Variants in DAB1 observed in about 807,000 individuals in gnomAD.
The protein encoded by DAB1 is DAB adaptor protein 1.
DAB1 carries 15 observed loss-of-function variants against 64.6 expected under a neutral mutation model. The ratio of observed to expected loss-of-function variants is 0.23; its 90% confidence interval spans 0.16 to 0.36. The LOEUF is 0.36. DAB1 is among the 10% of genes least tolerant of loss of function. DAB1 has a pLI of 1.00. For missense variants in DAB1, 596 were observed against 706.7 expected (o/e 0.84, Z 1.78); for synonymous variants, 235 against 251.9 (o/e 0.93, Z 0.64).
chr1:58,204,096 T>C (rs980428191), intron 4 of DAB1, among the ~76,000 whole-genome samples: 4 of 152,218 alleles, frequency 2.6e-5, no homozygotes, highest in Admixed American at 2.6e-4. Flanking sequence ...AAGTTCATTA[T>C]GTGGCTCAGT....
At chr1:57,065,274 G>T (rs1017664452) in intron 8 of DAB1, among the ~76,000 whole-genome samples, 1 of 152,020 alleles carries the variant, frequency 6.6e-6, no homozygotes, top group Non-Finnish European at 1.5e-5. Context: ...GTAACCTCTG[G>T]TGCATTCTTT....
At chr1:57,357,089 CAT>C (rs1378255883) in intron 1 of DAB1, among the ~76,000 whole-genome samples, 1 of 152,062 alleles carries the variant, frequency 6.6e-6, no homozygotes, top group African/African-American at 2.4e-5. Context: ...ATGTTCAACA[CAT>C]GTTATATTTT....
intron 5 of DAB1, among the ~76,000 whole-genome samples, chr1:58,120,433 G>C (rs1652668368): frequency 6.6e-6 from 1 of 152,102 alleles, no homozygotes; most frequent in Non-Finnish European, 1.5e-5. Flanking sequence ...TCTATTCTCA[G>C]TTAGGGGACC....
At chr1:57,683,347 C>A (rs118091480) in intron 6 of DAB1, among the ~76,000 whole-genome samples, 1 of 152,218 alleles carries the variant, frequency 6.6e-6, no homozygotes, top group African/African-American at 2.4e-5. Flanking sequence ...TGGGAGGGGG[C>A]TCCCTGAAAG....
intron 4 of DAB1, among the ~76,000 whole-genome samples, chr1:57,089,858 G>A (rs1653479670): frequency 6.6e-6 from 1 of 152,288 alleles, no homozygotes; most frequent in South Asian, 2.1e-4. Context: ...TGTGACTGCT[G>A]GTTTGTGAAC....
chr1:57,981,886 C>A (rs1338102841), intron 5 of DAB1, among the ~76,000 whole-genome samples: 1 of 152,126 alleles, frequency 6.6e-6, no homozygotes, highest in Non-Finnish European at 1.5e-5. Context: ...TTCTCTTAAC[C>A]CACTTGCTTT....
At chr1:57,455,501 C>A (rs190006122) in intron 7 of DAB1, among the ~76,000 whole-genome samples, 2 of 151,964 alleles carry the variant, frequency 1.3e-5, no homozygotes, top group Non-Finnish European at 2.9e-5. Context: ...AGGAATGTTA[C>A]GATTAGGGTA....
chr1:58,274,723 A>G (rs1285967986), intron 4 of DAB1, among the ~76,000 whole-genome samples: 1 of 152,148 alleles, frequency 6.6e-6, no homozygotes, highest in Admixed American at 6.5e-5. Context: ...CCGCTTTTTA[A>G]GCCGGTCTGA....
chr1:57,066,429 C>T (rs1448019321), intron 8 of DAB1, among the ~76,000 whole-genome samples: 5 of 152,112 alleles, frequency 3.3e-5, no homozygotes, highest in South Asian at 2.1e-4. Flanking sequence ...TCAACACAGC[C>T]GATAACTTTT....
chr1:57,880,389 C>A (rs1644126195), intron 1 of DAB1: 1 of 152,138 alleles, frequency 6.6e-6, no homozygotes, highest in Non-Finnish European at 1.5e-5. Flanking sequence ...GCCCATAGAA[C>A]CATCATGTTG....
chr1:57,487,668 G>C (rs1426149244), intron 7 of DAB1, among the ~76,000 whole-genome samples: 1 of 152,130 alleles, frequency 6.6e-6, no homozygotes, highest in African/African-American at 2.4e-5. Flanking sequence ...CAGATTTGTA[G>C]CCTAGAAGCA....
At chr1:58,143,253 A>T (rs920790239) in intron 5 of DAB1, among the ~76,000 whole-genome samples, 2 of 152,166 alleles carry the variant, frequency 1.3e-5, no homozygotes, top group African/African-American at 4.8e-5. Flanking sequence ...ACAGCCCCTA[A>T]CATGCTGGTA....
rs76901823 is a variant in DAB1 at position 58,404,249 on chromosome 1, C to T, written n.258-60846G>A. Among the ~76,000 whole-genome samples, 130 of 152,294 alleles carry T rather than the reference C, an allele frequency of 8.5e-4. 2 individuals are homozygous for T. The East Asian group carries it at 0.023, about 27-fold the overall frequency. Reference sequence around the variant, plus strand: ...CCCTGTGAGTCTAAGAGTCTAAGAGCCTCTTAGGTACACTCTTAGATGTAC... The same window carrying T: ...CCCTGTGAGTCTAAGAGTCTAAGAGTCTCTTAGGTACACTCTTAGATGTAC... On this transcript the variant is annotated intron_variant and non_coding_transcript_variant, in intron 3 of 20. Transcript: ENST00000485760.
chr1:58,176,119 C>T (rs1273106122), intron 4 of DAB1, among the ~76,000 whole-genome samples: 3 of 152,146 alleles, frequency 2.0e-5, no homozygotes, highest in African/African-American at 7.2e-5. Context: ...CCATGTCATT[C>T]ACTGATGTTC....
chr1:57,926,300 A>T (rs567618797), intron 5 of DAB1, among the ~76,000 whole-genome samples: 28 of 150,890 alleles, frequency 1.9e-4, no homozygotes, highest in African/African-American at 6.8e-4. Context: ...ATTTTATGAT[A>T]CCCTTGAGAG....
At chr1:57,302,655 G>T (rs903032227) in intron 1 of DAB1, among the ~76,000 whole-genome samples, 3 of 152,006 alleles carry the variant, frequency 2.0e-5, no homozygotes, top group Non-Finnish European at 4.4e-5. Flanking sequence ...CCAGGATACA[G>T]TGCAGTGGTA....
At chr1:57,228,377 C>T (rs991285443) in intron 2 of DAB1, among the ~76,000 whole-genome samples, 3 of 151,866 alleles carry the variant, frequency 2.0e-5, no homozygotes, top group African/African-American at 7.3e-5. Flanking sequence ...CTCAAAAAAA[C>T]ACATCAGTAA....
chr1:57,648,163 A>T (rs995462457), intron 7 of DAB1, among the ~76,000 whole-genome samples: 4 of 152,218 alleles, frequency 2.6e-5, no homozygotes, highest in South Asian at 2.1e-4. Flanking sequence ...GATCAAACTC[A>T]GTCCAGCATC....
At chr1:58,085,996 C>T (rs1650280987) in intron 5 of DAB1, among the ~76,000 whole-genome samples, 2 of 134,638 alleles carry the variant, frequency 1.5e-5, no homozygotes, top group Non-Finnish European at 3.1e-5. Flanking sequence ...CGGAGTCTCG[C>T]TCTGTCGCCC....
Sources: gnomAD v4.1 joint callset for allele counts (sites outside exome capture counted in the v4.1 genomes callset) on GRCh38, gnomAD v4.1.1 for gene constraint, MANE v1.5 for transcripts, NCBI Gene and HGNC (gene_info 2026-07-23, HGNC 2026-07-21) for gene names.